Variants in SLX4IP observed in about 807,000 individuals in gnomAD.
SLX4IP encodes the protein protein SLX4IP.
In SLX4IP, 34 loss-of-function variants were observed where a neutral mutation model predicts 32.9. The observed-to-expected ratio is 1.03, with a 90% confidence interval of 0.79 to 1.38. The LOEUF is 1.38. Among genes scored for constraint, SLX4IP ranks in the 40% most tolerant of loss-of-function variants. The pLI is 0.00. For synonymous variants in SLX4IP, 172 were observed against 171.7 expected (o/e 1.00, Z -0.01); for missense variants, 444 against 479.0 (o/e 0.93, Z 0.68).
chr20:10,621,997 TTGTC>T (rs1980795476), intron 7 of SLX4IP, among the ~76,000 whole-genome samples: 1 of 152,248 alleles, frequency 6.6e-6, no homozygotes, highest in Admixed American at 6.5e-5. Context: ...TGAAGTTACA[TTGTC>T]TGTTGTGCAC....
chr20:10,578,626 C>T (rs1397470307), intron 4 of SLX4IP, among the ~76,000 whole-genome samples: 1 of 152,144 alleles, frequency 6.6e-6, no homozygotes, highest in Non-Finnish European at 1.5e-5. Flanking sequence ...TCATTCTGTA[C>T]CTGTATGTTT....
At chr20:10,450,543 G>A (rs975388585) in intron 1 of SLX4IP, among the ~76,000 whole-genome samples, 2 of 152,104 alleles carry the variant, frequency 1.3e-5, no homozygotes, top group Non-Finnish European at 2.9e-5. Flanking sequence ...TCTAAGTCAT[G>A]TGCATTATGT....
intron 2 of SLX4IP, among the ~76,000 whole-genome samples, chr20:10,511,824 T>C (rs991213926): frequency 4.6e-5 from 7 of 152,226 alleles, no homozygotes; most frequent in African/African-American, 1.7e-4. Context: ...CTCTAGTAAA[T>C]AGTTGAGTTC....
At chr20:10,522,376 A>G (rs1006283472) in intron 2 of SLX4IP, among the ~76,000 whole-genome samples, 9 of 152,160 alleles carry the variant, frequency 5.9e-5, no homozygotes, top group African/African-American at 2.2e-4. Context: ...AAAGCTATGC[A>G]ACGTTTTCTT....
intron 2 of SLX4IP, among the ~76,000 whole-genome samples, chr20:10,522,682 G>A (rs139495705): frequency 1.9e-3 from 282 of 152,254 alleles, no homozygotes; most frequent in African/African-American, 5.8e-3. Flanking sequence ...CATCTCATGC[G>A]CTTACATATC....
intron 2 of SLX4IP, among the ~76,000 whole-genome samples, chr20:10,506,586 G>A (rs1221266144): frequency 6.6e-6 from 1 of 152,164 alleles, no homozygotes; most frequent in Non-Finnish European, 1.5e-5. Flanking sequence ...GTTTATGATT[G>A]CTATGAAATT....
At chr20:10,610,511 C>T (rs2066953739) in intron 6 of SLX4IP, among the ~76,000 whole-genome samples, 2 of 152,226 alleles carry the variant, frequency 1.3e-5, no homozygotes, top group Admixed American at 1.3e-4. Flanking sequence ...ACTGTGGGAA[C>T]TGGGCAGATG....
chr20:10,594,421 G>C (rs1225489285), intron 4 of SLX4IP, among the ~76,000 whole-genome samples: 1 of 152,198 alleles, frequency 6.6e-6, no homozygotes, highest in Non-Finnish European at 1.5e-5. Flanking sequence ...CATTTTCCCA[G>C]GCTCGTCCAT....
At chr20:10,468,752 T>C (rs1313796113) in intron 2 of SLX4IP, among the ~76,000 whole-genome samples, 2 of 152,246 alleles carry the variant, frequency 1.3e-5, no homozygotes, top group Non-Finnish European at 2.9e-5. Context: ...TATGTGTTTT[T>C]TTGACTGTTA....
intron 4 of SLX4IP, among the ~76,000 whole-genome samples, chr20:10,585,364 A>T (rs148240801): frequency 2.0e-5 from 3 of 152,066 alleles, no homozygotes; most frequent in Non-Finnish European, 4.4e-5. Flanking sequence ...TAACTACTCC[A>T]TGTGGGCCCC....
At chr20:10,483,922 A>T (rs1157575716) in intron 2 of SLX4IP, among the ~76,000 whole-genome samples, 1 of 152,022 alleles carries the variant, frequency 6.6e-6, no homozygotes, top group East Asian at 1.9e-4. Context: ...TTATCTCTGA[A>T]TACAAAGGGT....
At chr20:10,514,866 G>A (rs960619656) in intron 2 of SLX4IP, among the ~76,000 whole-genome samples, 7 of 152,200 alleles carry the variant, frequency 4.6e-5, no homozygotes, top group African/African-American at 1.2e-4. Flanking sequence ...TGTTGCATCC[G>A]CTGTATGTCA....
intron 4 of SLX4IP, among the ~76,000 whole-genome samples, chr20:10,594,460 G>A (rs2066746864): frequency 6.6e-6 from 1 of 152,180 alleles, no homozygotes; most frequent in South Asian, 2.1e-4. Context: ...TGTGGGAGAG[G>A]ACTTCCCACT....
intron 4 of SLX4IP, among the ~76,000 whole-genome samples, chr20:10,588,099 A>G (rs546575118): frequency 8.5e-5 from 13 of 152,282 alleles, no homozygotes; most frequent in African/African-American, 2.9e-4. Context: ...ATTAATATCC[A>G]AAATATATAA....
intron 2 of SLX4IP, among the ~76,000 whole-genome samples, chr20:10,553,849 G>A (rs987775704): frequency 1.3e-5 from 2 of 152,112 alleles, no homozygotes; most frequent in Non-Finnish European, 2.9e-5. Flanking sequence ...CTTTTACATC[G>A]TAGGAAACCA....
chr20:10,483,764 A>C (rs2065546944), intron 2 of SLX4IP, among the ~76,000 whole-genome samples: 2 of 151,712 alleles, frequency 1.3e-5, no homozygotes, highest in Non-Finnish European at 2.9e-5. Context: ...AAAACAGCAG[A>C]AGCATTAGTT....
chr20:10,439,731 A>G (rs2065145015), intron 1 of SLX4IP, among the ~76,000 whole-genome samples: 1 of 152,250 alleles, frequency 6.6e-6, no homozygotes, highest in South Asian at 2.1e-4. Context: ...TACATGTCTA[A>G]TCACTTTAAG....
At chr20:10,553,512 G>A (rs1024181328) in intron 2 of SLX4IP, among the ~76,000 whole-genome samples, 6 of 152,192 alleles carry the variant, frequency 3.9e-5, no homozygotes, top group Non-Finnish European at 7.3e-5. Context: ...TTAATATTCC[G>A]TGGCTAAGAT....
chr20:10,535,316 C>G lies in SLX4IP; in HGVS notation c.28-20915C>G, dbSNP rs535102384. 1.2e-4 allele frequency among the ~76,000 whole-genome samples: 18 copies of G among 152,140 alleles called. No individual in the cohort carries two copies. In the East Asian group the frequency reaches 1.9e-3, roughly 16 times the overall value. ...GAGGAGGGAGCAGGTTTGGAAAGAA[C>G]GTGCAGGTTTTGTTTGTTTTTTTGA... On this transcript the variant is annotated intron_variant, in intron 2 of 7. Transcript: ENST00000334534.
Sources: gnomAD v4.1 joint callset for allele counts (sites outside exome capture counted in the v4.1 genomes callset) on GRCh38, gnomAD v4.1.1 for gene constraint, MANE v1.5 for transcripts, NCBI Gene and HGNC (gene_info 2026-07-23, HGNC 2026-07-21) for gene names.